Variants in PRKCI observed in about 807,000 individuals in gnomAD.
PRKCI encodes protein kinase C iota, also known as protein kinase C iota type.
PRKCI carries 43 observed loss-of-function variants against 84.0 expected under a neutral mutation model. The observed-to-expected ratio is 0.51, with a 90% CI of 0.40 to 0.66. PRKCI has a LOEUF of 0.66. Among genes scored for constraint, PRKCI ranks in the 30% least tolerant of loss-of-function variants. The pLI is 0.00. For missense variants in PRKCI, 459 were observed against 745.6 expected, an observed-to-expected ratio of 0.62 and a Z score of 4.48; for synonymous variants, 216 against 234.4, an observed-to-expected ratio of 0.92 and a Z score of 0.72.
chr3:170,299,115 G>C lies in PRKCI; in HGVS notation c.1703+5G>C. The C allele has an allele frequency of 6.4e-7, 1 of 1,554,500 alleles. No homozygotes were observed. Among genetic ancestry groups the C allele is most frequent in the Non-Finnish European group, 8.7e-7 (1 of 1,151,188 alleles). The stretch of plus-strand genomic sequence containing the variant: ...CCAGCTCACTCCAGATGACGAGTAA[G>C]TAATTCTGTACACTGAAATTTTTTT... On this transcript the variant is annotated splice_donor_5th_base_variant and intron_variant, in intron 17 of 17. Coordinates refer to ENST00000295797, the MANE Select transcript of PRKCI (RefSeq NM_002740.6).
intron 2 of PRKCI, among the ~76,000 whole-genome samples, chr3:170,244,112 A>C (rs1044178085): frequency 6.6e-6 from 1 of 152,180 alleles, no homozygotes; most frequent in Non-Finnish European, 1.5e-5. Flanking sequence ...TTCCCATGAG[A>C]TCCTGAGTAA....
chr3:170,229,340 G>C (rs1320017299), intron 1 of PRKCI, among the ~76,000 whole-genome samples: 1 of 152,156 alleles, frequency 6.6e-6, no homozygotes, highest in African/African-American at 2.4e-5. Context: ...AAGAGACAGA[G>C]TCTGATTCTG....
chr3:170,268,077 G>A (rs1733909011), intron 5 of PRKCI, 77 bp downstream of exon 5: 1 of 1,207,372 alleles, frequency 8.3e-7, no homozygotes, highest in African/African-American at 1.5e-5. Flanking sequence ...AAGGTAGTTT[G>A]TTATTAAGTC....
intron 2 of PRKCI, among the ~76,000 whole-genome samples, chr3:170,248,521 G>A (rs993533125): frequency 6.6e-6 from 1 of 152,088 alleles, no homozygotes; most frequent in African/African-American, 2.4e-5. Flanking sequence ...TAGCTTTTCT[G>A]CTCATTTTAG....
chr3:170,264,929 T>C (rs528802207), intron 4 of PRKCI, among the ~76,000 whole-genome samples: 1 of 152,116 alleles, frequency 6.6e-6, no homozygotes, highest in Admixed American at 6.5e-5. Context: ...CTCATGCCTG[T>C]AACCCTAGCA....
intron 12 of PRKCI, among the ~76,000 whole-genome samples, chr3:170,287,820 G>A (rs1193944845): frequency 7.0e-6 from 1 of 143,212 alleles, no homozygotes; most frequent in East Asian, 2.1e-4. Context: ...TAAGGCAGGA[G>A]AATTGCTTGA....
intron 2 of PRKCI, among the ~76,000 whole-genome samples, chr3:170,249,245 T>C (rs1384568891): frequency 6.6e-6 from 1 of 152,172 alleles, no homozygotes; most frequent in Non-Finnish European, 1.5e-5. Context: ...TGTATTTGAT[T>C]TGGTTCAATC....
intron 2 of PRKCI, among the ~76,000 whole-genome samples, chr3:170,243,183 C>T: frequency 6.6e-6 from 1 of 152,092 alleles, no homozygotes; most frequent in African/African-American, 2.4e-5. Context: ...TCTGTTATCC[C>T]CAAATGTTTC....
intron 2 of PRKCI, among the ~76,000 whole-genome samples, chr3:170,253,115 A>G (rs893248216): frequency 6.6e-6 from 1 of 152,172 alleles, no homozygotes; most frequent in African/African-American, 2.4e-5. Context: ...TTGCTTCCAA[A>G]TCATGGCTAT....
intron 2 of PRKCI, among the ~76,000 whole-genome samples, chr3:170,237,970 A>G (rs1354486240): frequency 1.3e-5 from 2 of 152,182 alleles, no homozygotes; most frequent in Non-Finnish European, 2.9e-5. Context: ...AGTTTTATTA[A>G]CATGACAAAT....
intron 9 of PRKCI, among the ~76,000 whole-genome samples, chr3:170,280,712 G>A (rs905877177): frequency 7.9e-5 from 12 of 152,050 alleles, no homozygotes; most frequent in Non-Finnish European, 1.5e-4. Flanking sequence ...GCCTCCCAAA[G>A]TTGCTAGGAA....
At chr3:170,268,677 A>G (rs183783564) in intron 5 of PRKCI, among the ~76,000 whole-genome samples, 3 of 152,294 alleles carry the variant, frequency 2.0e-5, no homozygotes, top group Admixed American at 1.3e-4. Flanking sequence ...ATAATAGCAA[A>G]CACTTATCTG....
chr3:170,223,220 C>T (rs1049184793), intron 1 of PRKCI, among the ~76,000 whole-genome samples: 2 of 152,182 alleles, frequency 1.3e-5, no homozygotes, highest in African/African-American at 4.8e-5. Context: ...ACCAGCAGGC[C>T]TAACGCCTCT....
At chr3:170,286,280 C>G (rs899784395) in intron 12 of PRKCI, among the ~76,000 whole-genome samples, 2 of 151,950 alleles carry the variant, frequency 1.3e-5, no homozygotes, top group African/African-American at 4.8e-5. Flanking sequence ...GAAAGCTTAG[C>G]GAGTGGAACC....
chr3:170,270,455 G>A lies in PRKCI; in HGVS notation c.485G>A (p.Trp162Ter). The change falls in exon 6 of 18, where the codon TGG (tryptophan) becomes TAG (stop). Residue 162 changes from tryptophan to a stop codon, truncating the protein, a stop_gained. Coordinates refer to ENST00000295797, the MANE Select transcript of PRKCI (RefSeq NM_002740.6). LOFTEE classifies it high-confidence loss of function. ...AHCAICTDRIWGLGRQGYKCI... is the reference protein window; with the variant it reads ...AHCAICTDRI ...TGTGCCATCTGCACAGACCGAATAT[G>A]GGGACTTGGACGCCAAGGATATAAG... 1 of 1,613,624 alleles carries A rather than the reference G, an allele frequency of 6.2e-7. No homozygotes were observed. The highest frequency in any genetic ancestry group is 8.5e-7 in the Non-Finnish European group (1 of 1,179,834).
chr3:170,250,914 T>A (rs1733427571), intron 2 of PRKCI, among the ~76,000 whole-genome samples: 1 of 152,198 alleles, frequency 6.6e-6, no homozygotes, highest in Non-Finnish European at 1.5e-5. Context: ...TGTGGTTAAA[T>A]CATGTTGACC....
At position 170,293,646 on chromosome 3, in the gene PRKCI, TTTG is replaced by T. The variant is rs1041097377; in HGVS notation, c.1417+147_1417+149del. ...ATAATCCTGACTGGTGGTATTAGGT[TTTG>T]TTGTTGTTTTTGTTTGTTTTTGAGA... On this transcript the variant is annotated intron_variant, in intron 14 of 17. Coordinates refer to ENST00000295797, the MANE Select transcript of PRKCI (RefSeq NM_002740.6). 48 of 1,062,352 alleles carry T rather than the reference TTTG, an allele frequency of 4.5e-5. No individual in the cohort carries two copies. The East Asian group carries it at 9.6e-4, about 21-fold the overall frequency. 65.8% of individuals were successfully genotyped at this position (1,062,352 alleles called of 1,614,324 possible).
rs1203871033 is a variant in PRKCI, at chr3:170,246,191, C to T, written c.223+10840C>T. ...CCCAGGCTGTAGTGCTCGCTCTTGC[C>T]GCCCAGGCTGGAGTGCAGTGGCATG... On this transcript the variant is annotated intron_variant, in intron 2 of 17. Transcript: ENST00000295797. Among the ~76,000 whole-genome samples, 5 of 151,920 alleles carry T rather than the reference C, an allele frequency of 3.3e-5. No homozygotes were observed. In the East Asian group the frequency reaches 5.8e-4, roughly 18 times the overall value.
At chr3:170,259,926 A>G (rs114519496) in intron 2 of PRKCI, 43 bp from the exon 3 acceptor site, 12,463 of 1,196,018 alleles carry the variant, frequency 0.01, 106 homozygotes, top group Non-Finnish European at 0.013. Flanking sequence ...CATCACATTT[A>G]GGGGTTTTAA....
Sources: allele counts gnomAD v4.1 joint callset (sites outside exome capture counted in the v4.1 genomes callset), GRCh38; gene constraint gnomAD v4.1.1; transcripts MANE v1.5; gene names NCBI Gene and HGNC (gene_info 2026-07-23, HGNC 2026-07-21).